HMGCLL1: variants seen among roughly 807,000 people sequenced by gnomAD.
The protein encoded by HMGCLL1 is 3-hydroxy-3-methylglutaryl-CoA lyase like 1.
Under a neutral mutation model 39.1 loss-of-function variants are expected in HMGCLL1, and 36 were observed. The observed-to-expected ratio is 0.92, with a 90% CI of 0.71 to 1.22. The LOEUF (loss-of-function observed/expected upper bound fraction) is 1.22. Ranked by LOEUF, HMGCLL1 falls within the 50% of genes most tolerant of loss-of-function variation. The pLI is 0.00. For synonymous variants in HMGCLL1, 149 were observed against 144.0 expected (o/e 1.03, Z -0.25); for missense variants, 451 against 416.5 (o/e 1.08, Z -0.72).
intron 1 of HMGCLL1, among the ~76,000 whole-genome samples, chr6:55,561,339 A>C (rs1561963911): frequency 6.6e-6 from 1 of 152,178 alleles, no homozygotes; most frequent in Non-Finnish European, 1.5e-5. Context: ...AGGGCCCTAC[A>C]AGTAAAACTG....
the HMGCLL1 span, among the ~76,000 whole-genome samples, chr6:55,631,558 C>T: frequency 6.6e-5 from 10 of 152,008 alleles, no homozygotes; most frequent in African/African-American, 1.4e-4. Flanking sequence ...TTGGTGTCTA[C>T]GACTCCCAGC....
the HMGCLL1 span, among the ~76,000 whole-genome samples, chr6:55,586,197 G>A: frequency 1.3e-5 from 2 of 152,012 alleles, no homozygotes; most frequent in East Asian, 3.9e-4. Context: ...GAGAAGATAA[G>A]TTTAGAATCA....
chr6:55,470,505 A>C (rs1764999112), intron 7 of HMGCLL1, among the ~76,000 whole-genome samples: 1 of 151,872 alleles, frequency 6.6e-6, no homozygotes, highest in Non-Finnish European at 1.5e-5. Flanking sequence ...AAAAAGTCCC[A>C]AAATGGTTAC....
chr6:55,674,792 A>T, the HMGCLL1 span, among the ~76,000 whole-genome samples: 1 of 152,038 alleles, frequency 6.6e-6, no homozygotes, highest in Admixed American at 6.6e-5. Context: ...AGACAGACTT[A>T]TTGTAAGAGC....
chr6:55,520,350 C>T (rs1220585198), intron 3 of HMGCLL1, among the ~76,000 whole-genome samples: 2 of 151,546 alleles, frequency 1.3e-5, no homozygotes, highest in Non-Finnish European at 2.9e-5. Flanking sequence ...AATTGATAAT[C>T]ACTGAAGGTA....
chr6:55,630,753 A>G, the HMGCLL1 span, among the ~76,000 whole-genome samples: 1 of 139,804 alleles, frequency 7.2e-6, no homozygotes, highest in East Asian at 2.2e-4. Context: ...GGACTCTCCT[A>G]CACAAGCTCT....
chr6:55,605,517 T>C, the HMGCLL1 span, among the ~76,000 whole-genome samples: 1 of 152,188 alleles, frequency 6.6e-6, no homozygotes, highest in Non-Finnish European at 1.5e-5. Context: ...TATTTATAGA[T>C]ATTGGTGAAA....
At chr6:55,665,855 A>AT in the HMGCLL1 span, among the ~76,000 whole-genome samples, 1 of 151,670 alleles carries the variant, frequency 6.6e-6, no homozygotes, top group Admixed American at 6.6e-5. Context: ...TGAAACGTTT[A>AT]TTTTTCTGAA....
intron 3 of HMGCLL1, among the ~76,000 whole-genome samples, chr6:55,523,386 C>G (rs1274385083): frequency 3.3e-5 from 5 of 151,952 alleles, no homozygotes; most frequent in African/African-American, 1.2e-4. Flanking sequence ...GCTTTGACTG[C>G]TCTATAGCAG....
At chr6:55,545,673 G>T (rs1320864058) in intron 1 of HMGCLL1, among the ~76,000 whole-genome samples, 3 of 152,046 alleles carry the variant, frequency 2.0e-5, no homozygotes, top group Non-Finnish European at 4.4e-5. Context: ...GAATATCTGG[G>T]GAGAAATATG....
chr6:55,662,125 G>A, the HMGCLL1 span, among the ~76,000 whole-genome samples: 1 of 151,744 alleles, frequency 6.6e-6, no homozygotes, highest in African/African-American at 2.4e-5. Flanking sequence ...GAATCATGTT[G>A]TCTCCAAACA....
chr6:55,442,680 G>A (rs1038416401), intron 7 of HMGCLL1, among the ~76,000 whole-genome samples: 17 of 152,114 alleles, frequency 1.1e-4, no homozygotes, highest in South Asian at 1.0e-3. Context: ...ACATGAGAAG[G>A]TCTCTATTGC....
chr6:55,476,739 T>C (rs749134234), intron 7 of HMGCLL1, among the ~76,000 whole-genome samples: 3 of 151,696 alleles, frequency 2.0e-5, no homozygotes, highest in Non-Finnish European at 2.9e-5. Flanking sequence ...ATTAGTCTTT[T>C]AATATGTCAC....
At chr6:55,529,271 A>T (rs1768501700) in intron 3 of HMGCLL1, among the ~76,000 whole-genome samples, 1 of 152,114 alleles carries the variant, frequency 6.6e-6, no homozygotes, top group Non-Finnish European at 1.5e-5. Flanking sequence ...TTTGATAATA[A>T]CACTGTCAAA....
intron 8 of HMGCLL1, 144 bp from the exon 9 acceptor site, chr6:55,435,907 G>C: frequency 2.2e-6 from 1 of 461,920 alleles, no homozygotes. Flanking sequence ...CAATTTTGGG[G>C]CAACATTTGT....
chr6:55,648,327 C>A, the HMGCLL1 span, among the ~76,000 whole-genome samples: 6 of 150,544 alleles, frequency 4.0e-5, no homozygotes, highest in South Asian at 1.3e-3. Context: ...AGAGCAAACA[C>A]ATTCAAAAGC....
chr6:55,628,916 G>A, the HMGCLL1 span, among the ~76,000 whole-genome samples: 1 of 152,120 alleles, frequency 6.6e-6, no homozygotes, highest in East Asian at 1.9e-4. Context: ...ATGTGGAACT[G>A]TAAGTCCATT....
At chr6:55,639,660 A>G in the HMGCLL1 span, among the ~76,000 whole-genome samples, 1 of 152,100 alleles carries the variant, frequency 6.6e-6, no homozygotes. Flanking sequence ...TAAGGTTATA[A>G]TCTCCTAATA....
chr6:55,473,438 T>C (rs1319926567), intron 7 of HMGCLL1, among the ~76,000 whole-genome samples: 2 of 151,382 alleles, frequency 1.3e-5, no homozygotes, highest in African/African-American at 2.4e-5. Context: ...CAGTTTCCAA[T>C]ACACCTTGTT....
Sources: gnomAD v4.1 joint callset for allele counts (sites outside exome capture counted in the v4.1 genomes callset) on GRCh38, gnomAD v4.1.1 for gene constraint, MANE v1.5 for transcripts, NCBI Gene and HGNC (gene_info 2026-07-23, HGNC 2026-07-21) for gene names.